The following MANBA variants were observed in gnomAD, a reference collection of about 807,000 sequenced individuals.
MANBA encodes the protein mannosidase beta.
MANBA carries 83 observed loss-of-function variants against 111.1 expected under a neutral mutation model. The observed-to-expected ratio is 0.75, with a 90% CI of 0.63 to 0.90. The LOEUF (loss-of-function observed/expected upper bound fraction) is 0.90, where lower values mean the gene tolerates loss of function less well. MANBA is among the 40% of genes least tolerant of loss of function. The pLI is 0.00. For missense variants in MANBA, 1,036 were observed against 1,069.0 expected, an observed-to-expected ratio of 0.97 and a Z score of 0.43; for synonymous variants, 370 against 378.7, an observed-to-expected ratio of 0.98 and a Z score of 0.27.
At position 102,635,962 on chromosome 4, in the gene MANBA, A is replaced by G. The variant is rs1729613627; in HGVS notation, c.2060T>C (p.Phe687Ser). The change falls in exon 15 of 17, where the codon TTC (phenylalanine) becomes TCC (serine). Residue 687 changes from phenylalanine to serine, a missense_variant. Physicochemically the swap from Phe to Ser is radical, Grantham distance 155 (BLOSUM62 -2). Coordinates refer to ENST00000647097, the MANE Select transcript of MANBA (RefSeq NM_005908.4). ...GCCTACTGGCAACAGTGGAGCAAAG[A>G]AATTCTGAGCAAAGTAATGAAGCAT... ...WKMLHYFAQN[F>S]FAPLLPVGFE... 6.2e-7 allele frequency: 1 copy of G among 1,613,466 alleles called. No homozygotes were observed. The highest frequency in any genetic ancestry group is 1.1e-5 in the South Asian group (1 of 91,078).
intron 9 of MANBA, among the ~76,000 whole-genome samples, chr4:102,670,353 C>G (rs189156436): frequency 6.6e-6 from 1 of 152,082 alleles, no homozygotes; most frequent in African/African-American, 2.4e-5. Context: ...ATGTAGAGCA[C>G]TTAGAACAAT....
chr4:102,634,748 A>G, intron 16 of MANBA, 40 bp downstream of exon 16: 5 of 1,612,066 alleles, frequency 3.1e-6, no homozygotes, highest in Non-Finnish European at 4.2e-6. Context: ...GAACCCCACA[A>G]GGCCACAGTC....
chr4:102,686,040 G>A (rs990853007), intron 7 of MANBA, among the ~76,000 whole-genome samples: 2 of 152,160 alleles, frequency 1.3e-5, no homozygotes, highest in Non-Finnish European at 2.9e-5. Context: ...TCGAGAATCA[G>A]TCATTTCTCC....
At chr4:102,729,813 T>G (rs1245040766) in intron 1 of MANBA, 1 of 1,237,076 alleles carries the variant, frequency 8.1e-7, no homozygotes, top group African/African-American at 1.4e-5. Context: ...CCACTTAGTC[T>G]CCAGCATCTT....
chr4:102,725,322 A>C (rs1312055179), intron 2 of MANBA, among the ~76,000 whole-genome samples: 1 of 152,120 alleles, frequency 6.6e-6, no homozygotes, highest in Admixed American at 6.5e-5. Context: ...TACTCCCCTT[A>C]TACCCTTTGC....
chr4:102,730,531 T>C (rs2110199103), intron 1 of MANBA: 1 of 531,436 alleles, frequency 1.9e-6, no homozygotes, highest in South Asian at 1.4e-5. Context: ...ATCTTATAGA[T>C]TTTTCTATGA....
At chr4:102,749,255 T>C (rs1006866865) in intron 1 of MANBA, among the ~76,000 whole-genome samples, 2 of 152,200 alleles carry the variant, frequency 1.3e-5, no homozygotes, top group African/African-American at 4.8e-5. Flanking sequence ...TCATATGCCA[T>C]GAAGACATTC....
intron 5 of MANBA, among the ~76,000 whole-genome samples, chr4:102,700,254 T>C (rs200602186): frequency 0.035 from 3,644 of 104,380 alleles, no homozygotes; most frequent in Non-Finnish European, 0.04. Flanking sequence ...TCTCTTTTTT[T>C]CTTTATTAGT....
At chr4:102,658,218 A>G (rs1168165114) in intron 11 of MANBA, among the ~76,000 whole-genome samples, 1 of 152,196 alleles carries the variant, frequency 6.6e-6, no homozygotes, top group Non-Finnish European at 1.5e-5. Context: ...TAACTTTGAC[A>G]CTATTGACAT....
chr4:102,633,552 C>T (rs1729480559), intron 16 of MANBA: 1 of 397,628 alleles, frequency 2.5e-6, no homozygotes, highest in African/African-American at 2.1e-5. Flanking sequence ...TCTATATTAG[C>T]CCCGAATTAA....
chr4:102,664,590 A>T, intron 11 of MANBA, 95 bp downstream of exon 11: 1 of 1,085,012 alleles, frequency 9.2e-7, no homozygotes, highest in South Asian at 1.3e-5. Context: ...CGCCCGCCTC[A>T]GCCTCCCAAA....
At chr4:102,703,651 G>C (rs1733164115) in intron 5 of MANBA, among the ~76,000 whole-genome samples, 1 of 152,168 alleles carries the variant, frequency 6.6e-6, no homozygotes, top group Non-Finnish European at 1.5e-5. Flanking sequence ...ACACCACCCA[G>C]ACTGGTAATC....
intron 13 of MANBA, among the ~76,000 whole-genome samples, chr4:102,645,611 G>A (rs1185694815): frequency 6.6e-6 from 1 of 151,942 alleles, no homozygotes; most frequent in African/African-American, 2.4e-5. Flanking sequence ...GTTTTCATGG[G>A]TTGTTTCTCT....
At chr4:102,730,397 T>A (rs1318751975) in intron 1 of MANBA, 1 of 482,002 alleles carries the variant, frequency 2.1e-6, no homozygotes, top group East Asian at 4.2e-5. Context: ...GTCGGCAACC[T>A]TGCTGTGGCA....
chr4:102,756,464 G>C (rs1227858250), intron 1 of MANBA, among the ~76,000 whole-genome samples: 2 of 152,046 alleles, frequency 1.3e-5, no homozygotes, highest in African/African-American at 2.4e-5. Flanking sequence ...CACACACTGG[G>C]ACCTGTCATG....
intron 5 of MANBA, among the ~76,000 whole-genome samples, chr4:102,697,916 C>A (rs1732807056): frequency 6.6e-6 from 1 of 151,868 alleles, no homozygotes; most frequent in Admixed American, 6.6e-5. Flanking sequence ...AGTTCTAGAT[C>A]CCTGAGGAAT....
intron 7 of MANBA, among the ~76,000 whole-genome samples, chr4:102,675,634 A>G (rs1479194076): frequency 6.6e-6 from 1 of 152,240 alleles, no homozygotes; most frequent in Non-Finnish European, 1.5e-5. Flanking sequence ...TTTTCAAATA[A>G]AAACAAATTT....
At chr4:102,663,819 A>G (rs75852609) in intron 11 of MANBA, among the ~76,000 whole-genome samples, 1,716 of 152,326 alleles carry the variant, frequency 0.011, 25 homozygotes, top group African/African-American at 0.039. Context: ...TGAAGGCATT[A>G]CTGAAAAAAA....
chr4:102,729,302 T>C, intron 1 of MANBA: 1 of 754,620 alleles, frequency 1.3e-6, no homozygotes, highest in Non-Finnish European at 2.5e-6. Flanking sequence ...CCAGCCAGCA[T>C]CTGCAGCTCC....
Sources: gnomAD v4.1 joint callset for allele counts (sites outside exome capture counted in the v4.1 genomes callset) on GRCh38, gnomAD v4.1.1 for gene constraint, MANE v1.5 for transcripts, NCBI Gene and HGNC (gene_info 2026-07-23, HGNC 2026-07-21) for gene names.